Variants in CIP2A observed in about 807,000 individuals in gnomAD.
The protein encoded by CIP2A is protein CIP2A.
In CIP2A, 103 loss-of-function variants were observed where a neutral mutation model predicts 110.9. The observed-to-expected ratio is 0.93, with a 90% confidence interval of 0.79 to 1.09. The LOEUF is 1.09. Among genes scored for constraint, CIP2A ranks in the 50% least tolerant of loss-of-function variants. CIP2A has a pLI of 0.00. For missense variants in CIP2A, 1,088 were observed against 1,038.4 expected (o/e 1.05, Z -0.66); for synonymous variants, 381 against 361.6 (o/e 1.05, Z -0.61).
chr3:108,582,039 C>T lies in CIP2A; in HGVS notation c.452+69G>A, dbSNP rs549785015. 220 of 694,382 alleles carry T rather than the reference C, an allele frequency of 3.2e-4. 2 individuals carry two copies. The highest frequency in any genetic ancestry group is 3.0e-3 in the African/African-American group (163 of 53,954). 43.0% of individuals were successfully genotyped at this position (694,382 alleles called of 1,614,324 possible). On this transcript the variant is annotated intron_variant, in intron 4 of 20. Transcript: ENST00000295746. ...AAAATGTTATCTAAGAAAAATTAAT[C>T]TACCACATGGTTGTAATTTAAAAAT...
chr3:108,565,205 A>T, intron 12 of CIP2A, 150 bp downstream of exon 12: 1 of 518,336 alleles, frequency 1.9e-6, no homozygotes, highest in Non-Finnish European at 3.5e-6. Context: ...TGAGACTATT[A>T]TAACTGCTTA....
chr3:108,564,205 A>T (rs1279090153), intron 12 of CIP2A, among the ~76,000 whole-genome samples: 3 of 151,934 alleles, frequency 2.0e-5, no homozygotes, highest in Admixed American at 2.0e-4. Context: ...TCCAGTTTGT[A>T]GTCGAGGAAA....
In CIP2A at chr3:108,574,927, AAGTGGG is replaced by A. The variant is rs996065526; in HGVS notation, c.894+1338_894+1343del. 8.5e-5 allele frequency: 13 copies of A among 152,550 alleles called. 1 individual carries two copies. Among genetic ancestry groups the A allele is most frequent in the Admixed American group, 6.5e-4 (10 of 15,296 alleles). 9.4% of individuals were successfully genotyped at this position (152,550 alleles called of 1,614,324 possible). A position where few individuals can be genotyped will look rare whatever the true frequency, so the allele number is the denominator to read the frequency against. ...TGGCTGCCCAAAGACCCACATCTCA[AAGTGGG>A]GCTTTACCAAATTTAATGTGGATAA... On this transcript the variant is annotated intron_variant, in intron 8 of 20. Transcript: ENST00000295746.
chr3:108,557,028 C>G (rs1336145364), intron 17 of CIP2A, among the ~76,000 whole-genome samples, 190 bp downstream of exon 17: 1 of 152,096 alleles, frequency 6.6e-6, no homozygotes, highest in Non-Finnish European at 1.5e-5. Context: ...TATTTTGTTT[C>G]CAACATTGAT....
intron 8 of CIP2A, among the ~76,000 whole-genome samples, chr3:108,575,536 A>ATG: frequency 6.6e-6 from 1 of 150,990 alleles, no homozygotes; most frequent in Admixed American, 6.6e-5. Flanking sequence ...ACACGTATAT[A>ATG]TACTCATATA....
Position 108,576,308 on chromosome 3 carries a change from C to A in CIP2A, c.857G>T (p.Gly286Val), listed in dbSNP as rs1938649381. Residue 286 changes from glycine to valine, a missense_variant, in exon 8 of 21, where the codon GGT (glycine) becomes GTT (valine). Coordinates refer to ENST00000295746, the MANE Select transcript of CIP2A (RefSeq NM_020890.3). Reference protein sequence around the residue: ...HFSSCLHQVLGLLNGKDPDSS... With the variant: ...HFSSCLHQVLVLLNGKDPDSS... ...ATCAGGATCCTTTCCATTAAGAAGA[C>A]CTAATACTTGGTGAAGACATGAAGA... 6.4e-7 allele frequency: 1 copy of A among 1,564,940 alleles called. No homozygotes were observed. The highest frequency in any genetic ancestry group is 8.7e-7 in the Non-Finnish European group (1 of 1,154,092).
chr3:108,560,042 G>A lies in CIP2A; in HGVS notation c.1828-14C>T. The stretch of plus-strand genomic sequence containing the variant: ...CTGATCCTTTACCTACATTTTAAGA[G>A]TAAAAAAACTTAAAATTTTAATAAA... On this transcript the variant is annotated splice_polypyrimidine_tract_variant and intron_variant, in intron 14 of 20. Transcript: ENST00000295746. 1.4e-6 allele frequency: 2 copies of A among 1,472,074 alleles called. No individual in the cohort carries two copies. The highest frequency in any genetic ancestry group is 1.9e-6 in the Non-Finnish European group (2 of 1,072,978). The allele number at this position is 1,472,074 out of a possible 1,614,324, so 91.2% of individuals were successfully genotyped here. A position where few individuals can be genotyped will look rare whatever the true frequency, so the allele number is the denominator to read the frequency against.
At chr3:108,575,273 CACACACACGTGTACGT>C (rs1225515272) in intron 8 of CIP2A, among the ~76,000 whole-genome samples, 11,687 of 150,500 alleles carry the variant, frequency 0.078, 1,537 homozygotes, top group African/African-American at 0.27. Flanking sequence ...TGTGTATATA[CACACACACGTGTACGT>C]ACACACACGT....
In CIP2A at chr3:108,569,181, T is replaced by TATATATATATATACACACACACAC; in HGVS notation, c.1113+207_1113+208insGTGTGTGTGTGTATATATATATAT. Among the ~76,000 whole-genome samples the TATATATATATATACACACACACAC allele has an allele frequency of 2.7e-4, 16 of 58,264 alleles. 1 individual carries two copies. The highest frequency in any genetic ancestry group is 1.3e-3 in the East Asian group (2 of 1,494). The allele number at this position is 58,264 out of a possible 152,430, so 38.2% of individuals were successfully genotyped here. On this transcript the variant is annotated intron_variant, in intron 9 of 20. Transcript: ENST00000295746. Reference sequence around the variant, plus strand: ...CTGAAATGAGCACTATATATATATATACATACACACTACTCAGTGAAAAAA... The same window carrying TATATATATATATACACACACACAC: ...CTGAAATGAGCACTATATATATATATATATATATATATACACACACACACACATACACACTACTCAGTGAAAAAA...
intron 19 of CIP2A, among the ~76,000 whole-genome samples, chr3:108,552,905 G>A (rs1576295630): frequency 6.6e-6 from 1 of 151,960 alleles, no homozygotes; most frequent in East Asian, 1.9e-4. Flanking sequence ...GGAACCAATA[G>A]ACACTGCAGA....
rs151122859 is a variant in CIP2A, at chr3:108,558,681, C to T, written c.2013+1076G>A. ...CGTGTGGGAAGGAGACCAGAGTAGG[C>T]TTCTGGGTAATGAGGATATTTTAAC... On this transcript the variant is annotated intron_variant, in intron 16 of 20. Coordinates refer to ENST00000295746, the MANE Select transcript of CIP2A (RefSeq NM_020890.3). Among the ~76,000 whole-genome samples, 92 of 152,112 alleles carry T rather than the reference C, an allele frequency of 6.0e-4. No homozygotes were observed. The East Asian group carries it at 6.2e-3, about 10-fold the overall frequency.
chr3:108,585,998 A>T (rs1427510992), intron 1 of CIP2A, among the ~76,000 whole-genome samples: 1 of 152,144 alleles, frequency 6.6e-6, no homozygotes, highest in African/African-American at 2.4e-5. Context: ...TGAATTTTCA[A>T]CATACTTTAT....
chr3:108,559,599 A>G (rs1403937477), intron 16 of CIP2A, among the ~76,000 whole-genome samples, 158 bp downstream of exon 16: 1 of 152,210 alleles, frequency 6.6e-6, no homozygotes, highest in Non-Finnish European at 1.5e-5. Context: ...CGATGTAACC[A>G]AAATTAAAGA....
chr3:108,569,201 A>G (rs1192095791), intron 9 of CIP2A, among the ~76,000 whole-genome samples, 188 bp downstream of exon 9: 3 of 9,376 alleles, frequency 3.2e-4, no homozygotes, highest in African/African-American at 5.3e-4. Flanking sequence ...CTACTCAGTG[A>G]AAAAAAAGGA....
chr3:108,589,167 A>AG, intron 1 of CIP2A, 107 bp downstream of exon 1: 1 of 770,160 alleles, frequency 1.3e-6, no homozygotes, highest in Non-Finnish European at 2.2e-6. Context: ...GAGGGATCGA[A>AG]GGACTGTCCT....
intron 10 of CIP2A, 83 bp downstream of exon 10, chr3:108,568,072 A>C: frequency 9.6e-7 from 1 of 1,042,588 alleles, no homozygotes; most frequent in Non-Finnish European, 1.4e-6. Context: ...ATTACAAATA[A>C]AGACAAAATG....
chr3:108,585,414 T>G (rs1250276941), intron 1 of CIP2A, among the ~76,000 whole-genome samples: 3 of 152,178 alleles, frequency 2.0e-5, no homozygotes, highest in African/African-American at 7.2e-5. Context: ...AAGTAATCAT[T>G]TGGATCTCAG....
chr3:108,560,123 TTAA>T (rs1171079577), intron 14 of CIP2A, 95 bp from the exon 15 acceptor site: 10 of 685,344 alleles, frequency 1.5e-5, no homozygotes, highest in Non-Finnish European at 2.0e-5. Flanking sequence ...TCATTAAAAC[TTAA>T]TGATGAGTAA....
chr3:108,573,266 T>C (rs568502614), intron 8 of CIP2A, among the ~76,000 whole-genome samples: 2 of 152,054 alleles, frequency 1.3e-5, no homozygotes, highest in South Asian at 4.2e-4. Flanking sequence ...GTAGTATCCT[T>C]GTCAGGTTTT....
Sources: gnomAD v4.1 joint callset for allele counts (sites outside exome capture counted in the v4.1 genomes callset) on GRCh38, gnomAD v4.1.1 for gene constraint, MANE v1.5 for transcripts, NCBI Gene and HGNC (gene_info 2026-07-23, HGNC 2026-07-21) for gene names.